KCNH8: variants seen among roughly 807,000 people sequenced by gnomAD.
The protein encoded by KCNH8 is voltage-gated delayed rectifier potassium channel KCNH8.
Under a neutral mutation model 103.6 loss-of-function variants are expected in KCNH8, and 70 were observed. The observed-to-expected ratio is 0.68, with a 90% CI of 0.56 to 0.82. The LOEUF (loss-of-function observed/expected upper bound fraction) is 0.82, where lower values mean the gene tolerates loss of function less well. Ranked by LOEUF, KCNH8 falls within the 40% of genes least tolerant of loss-of-function variation. KCNH8 has a pLI of 0.00. For synonymous variants in KCNH8, 498 were observed against 489.4 expected, an observed-to-expected ratio of 1.02 and a Z score of -0.23; for missense variants, 1,217 against 1,329.9, an observed-to-expected ratio of 0.92 and a Z score of 1.32.
At chr3:19,301,419 A>G (rs1028399587) in intron 3 of KCNH8, among the ~76,000 whole-genome samples, 3 of 150,276 alleles carry the variant, frequency 2.0e-5, no homozygotes, top group Admixed American at 2.0e-4. Context: ...TTATGCTTAC[A>G]TAAATATAAA....
intron 8 of KCNH8, among the ~76,000 whole-genome samples, chr3:19,442,081 G>T (rs2067292776): frequency 6.6e-6 from 1 of 152,176 alleles, no homozygotes; most frequent in African/African-American, 2.4e-5. Context: ...AGCATGCTGG[G>T]GCTGCAGCAA....
At chr3:19,309,655 G>T (rs1470325983) in intron 3 of KCNH8, among the ~76,000 whole-genome samples, 2 of 151,866 alleles carry the variant, frequency 1.3e-5, no homozygotes, top group Admixed American at 6.6e-5. Context: ...ATTTCTGAGT[G>T]GTAATGGAGG....
chr3:19,264,441 G>A (rs566047714), intron 2 of KCNH8, among the ~76,000 whole-genome samples: 1 of 152,182 alleles, frequency 6.6e-6, no homozygotes, highest in Admixed American at 6.5e-5. Flanking sequence ...AAGTTGAATT[G>A]CTTAATCAAT....
At position 19,223,008 on chromosome 3, in the gene KCNH8, T is replaced by C. The variant is rs144515582; in HGVS notation, c.77-30646T>C. On this transcript the variant is annotated intron_variant, in intron 1 of 15. Coordinates refer to ENST00000328405, the MANE Select transcript of KCNH8 (RefSeq NM_144633.3). Reference sequence around the variant, plus strand: ...TTTGAGCTCCGGCACAAATATTCTGTGGTGTTTTGTCTTTATTCATATATT... The same window carrying C: ...TTTGAGCTCCGGCACAAATATTCTGCGGTGTTTTGTCTTTATTCATATATT... Among the ~76,000 whole-genome samples the C allele has an allele frequency of 4.6e-3, 707 of 152,268 alleles. 6 individuals are homozygous for C. Among genetic ancestry groups the C allele is most frequent in the African/African-American group, 0.016 (672 of 41,552 alleles).
intron 11 of KCNH8, among the ~76,000 whole-genome samples, chr3:19,485,543 C>A (rs542504227): frequency 6.6e-6 from 1 of 152,200 alleles, no homozygotes; most frequent in African/African-American, 2.4e-5. Context: ...ACGGCCAATA[C>A]GATTGTGGCT....
intron 11 of KCNH8, among the ~76,000 whole-genome samples, chr3:19,507,097 G>A (rs550837082): frequency 3.3e-5 from 5 of 152,298 alleles, no homozygotes; most frequent in East Asian, 1.9e-4. Flanking sequence ...TGAGACAAAC[G>A]CACTGCTGGC....
intron 11 of KCNH8, among the ~76,000 whole-genome samples, chr3:19,473,701 T>G (rs1037135266): frequency 2.0e-5 from 3 of 152,182 alleles, no homozygotes; most frequent in Non-Finnish European, 4.4e-5. Flanking sequence ...GAAAATCTCT[T>G]TGGAGTGTGA....
chr3:19,441,713 A>G (rs1345068970), intron 8 of KCNH8, among the ~76,000 whole-genome samples: 2 of 152,170 alleles, frequency 1.3e-5, no homozygotes, highest in African/African-American at 4.8e-5. Flanking sequence ...CTGCCCCACA[A>G]TATTCCCCTC....
intron 5 of KCNH8, among the ~76,000 whole-genome samples, chr3:19,356,633 T>C (rs910828165): frequency 3.9e-5 from 6 of 151,960 alleles, no homozygotes; most frequent in Admixed American, 3.3e-4. Context: ...TTATAGAAAC[T>C]TAAAATGAGA....
chr3:19,229,823 A>G (rs1217739477), intron 1 of KCNH8, among the ~76,000 whole-genome samples: 1 of 152,168 alleles, frequency 6.6e-6, no homozygotes, highest in East Asian at 1.9e-4. Context: ...AAACTGTTCC[A>G]ACCTCTGCCT....
intron 7 of KCNH8, among the ~76,000 whole-genome samples, chr3:19,407,415 A>T (rs950573559): frequency 3.3e-5 from 5 of 152,206 alleles, no homozygotes; most frequent in Admixed American, 3.3e-4. Context: ...CTAGACATAG[A>T]TTGTAGTACA....
At chr3:19,298,689 G>C (rs572596983) in intron 3 of KCNH8, among the ~76,000 whole-genome samples, 1 of 151,984 alleles carries the variant, frequency 6.6e-6, no homozygotes, top group Non-Finnish European at 1.5e-5. Flanking sequence ...TTGGGAGTCC[G>C]AGGCGGGCGG....
chr3:19,298,143 A>G (rs2065018921), intron 3 of KCNH8, among the ~76,000 whole-genome samples: 1 of 152,244 alleles, frequency 6.6e-6, no homozygotes, highest in Non-Finnish European at 1.5e-5. Flanking sequence ...ACGGCAAAAA[A>G]GAGTTACTAA....
At chr3:19,497,740 G>A (rs374222825) in intron 11 of KCNH8, among the ~76,000 whole-genome samples, 1 of 152,162 alleles carries the variant, frequency 6.6e-6, no homozygotes, top group East Asian at 1.9e-4. Flanking sequence ...GAGTTTTGTA[G>A]ATACTTGACA....
At chr3:19,400,260 CATA>C (rs1487958875) in intron 7 of KCNH8, among the ~76,000 whole-genome samples, 1 of 113,370 alleles carries the variant, frequency 8.8e-6, no homozygotes, top group Non-Finnish European at 1.8e-5. Flanking sequence ...AAAAAAGCAT[CATA>C]ATGTCAGACA....
At chr3:19,177,540 C>T (rs1026154532) in intron 1 of KCNH8, among the ~76,000 whole-genome samples, 1 of 151,922 alleles carries the variant, frequency 6.6e-6, no homozygotes, top group Non-Finnish European at 1.5e-5. Context: ...GGAAATACCT[C>T]TTTGTGTAAT....
chr3:19,327,567 G>A (rs1005619428), intron 3 of KCNH8, among the ~76,000 whole-genome samples: 5 of 152,166 alleles, frequency 3.3e-5, no homozygotes, highest in African/African-American at 4.8e-5. Context: ...TGGGATTACA[G>A]GCCTGAGCCA....
chr3:19,334,872 G>T (rs974309138), intron 3 of KCNH8, among the ~76,000 whole-genome samples: 1 of 151,882 alleles, frequency 6.6e-6, no homozygotes, highest in African/African-American at 2.4e-5. Context: ...ATTCAAGGAA[G>T]AAATGTGTAT....
chr3:19,152,414 G>T (rs78016551), intron 1 of KCNH8, among the ~76,000 whole-genome samples: 2 of 152,024 alleles, frequency 1.3e-5, no homozygotes, highest in Non-Finnish European at 2.9e-5. Flanking sequence ...ACATAATGGT[G>T]GATTAGCCTA....
Sources: allele counts gnomAD v4.1 joint callset (sites outside exome capture counted in the v4.1 genomes callset), GRCh38; gene constraint gnomAD v4.1.1; transcripts MANE v1.5; gene names NCBI Gene and HGNC (gene_info 2026-07-23, HGNC 2026-07-21).